Variants in CEP120 observed in about 807,000 individuals in gnomAD.
The protein encoded by CEP120 is centrosomal protein 120, also known as centrosomal protein of 120 kDa.
CEP120 carries 113 observed loss-of-function variants against 126.5 expected under a neutral mutation model. That is an observed-to-expected ratio of 0.89 (90% CI 0.77 to 1.04). CEP120 has a LOEUF of 1.04. CEP120 is among the 50% of genes least tolerant of loss of function. The pLI, the probability that CEP120 is intolerant of heterozygous loss-of-function variation, is 0.00. For missense variants in CEP120, 1,230 were observed against 1,155.7 expected (o/e 1.06, Z -0.93); for synonymous variants, 400 against 394.3 (o/e 1.01, Z -0.17).
chr5:123,390,446 C>T (rs999051806), intron 7 of CEP120: 37 of 438,802 alleles, frequency 8.4e-5, no homozygotes, highest in African/African-American at 6.9e-4. Context: ...CAAGGCAGTA[C>T]AATGGAGAAC....
rs1317665708 is a variant in CEP120, at chr5:123,371,994, G to A, written c.2481+656C>T. On this transcript the variant is annotated intron_variant, in intron 17 of 19. Coordinates refer to ENST00000306467, the MANE Select transcript of CEP120 (RefSeq NM_001375405.1). ...CACATATGGTCAAACTTGTCTATTG[G>A]ACATTACACATTTTTAATGCCTAGC... 2.0e-5 allele frequency among the ~76,000 whole-genome samples: 3 copies of A among 152,008 alleles called. No homozygotes were observed. In the East Asian group the frequency reaches 5.8e-4, roughly 29 times the overall value.
chr5:123,353,707 T>TATC (rs1365606376), intron 18 of CEP120, among the ~76,000 whole-genome samples: 1 of 151,998 alleles, frequency 6.6e-6, no homozygotes, highest in East Asian at 1.9e-4. Context: ...TTTCTTGGTG[T>TATC]ATCAGTTTTG....
At chr5:123,392,393 C>T (rs768971357) in intron 6 of CEP120, among the ~76,000 whole-genome samples, 1 of 152,202 alleles carries the variant, frequency 6.6e-6, no homozygotes, top group African/African-American at 2.4e-5. Context: ...TTCTCACCTC[C>T]TGTCCATTAC....
chr5:123,417,209 T>C (rs1025952128), intron 2 of CEP120, among the ~76,000 whole-genome samples: 4 of 152,208 alleles, frequency 2.6e-5, no homozygotes, highest in South Asian at 2.1e-4. Flanking sequence ...AAATCCAACA[T>C]TGATATTCTC....
At position 123,389,931 on chromosome 5, in the gene CEP120, ATTTGG is replaced by A; in HGVS notation, c.1243_1247del (p.Pro415SerfsTer76). 1.2e-6 allele frequency: 2 copies of A among 1,613,106 alleles called. No homozygotes were observed. The highest frequency in any genetic ancestry group is 2.2e-5 in the East Asian group (1 of 44,870). ...AACAACAAAAAACCTTACCTTTTGGATTTGGTTTGGTGTCCTTATCATACTGTAAA... is the reference window on the plus strand; with the variant it reads ...AACAACAAAAAACCTTACCTTTTGGATTTGGTGTCCTTATCATACTGTAAA... On this transcript the variant is annotated frameshift_variant, in exon 8 of 20. Transcript: ENST00000306467. LOFTEE classifies it high-confidence loss of function.
rs1770313732 is a variant in CEP120 at position 123,364,476 on chromosome 5, A to G, written c.2580+20T>C. 6.6e-7 allele frequency: 1 copy of G among 1,505,944 alleles called. No homozygotes were observed. The highest frequency in any genetic ancestry group is 9.1e-7 in the Non-Finnish European group (1 of 1,101,404). The allele number at this position is 1,505,944 out of a possible 1,614,324, so 93.3% of individuals were successfully genotyped here. The stretch of plus-strand genomic sequence containing the variant: ...AACAAGGGAAAAAGATATAAAAAGA[A>G]TAAGCTATAAACTACATACCTGTTT... On this transcript the variant is annotated intron_variant, in intron 18 of 19. Coordinates refer to ENST00000306467, the MANE Select transcript of CEP120 (RefSeq NM_001375405.1).
At chr5:123,378,605 G>T (rs1409492371) in intron 14 of CEP120, among the ~76,000 whole-genome samples, 177 bp from the exon 15 acceptor site, 1 of 152,018 alleles carries the variant, frequency 6.6e-6, no homozygotes, top group African/African-American at 2.4e-5. Context: ...TTTGAGACTG[G>T]TGATGGTCAT....
At chr5:123,386,098 A>G (rs571117025) in intron 10 of CEP120, among the ~76,000 whole-genome samples, 1 of 152,186 alleles carries the variant, frequency 6.6e-6, no homozygotes, top group Non-Finnish European at 1.5e-5. Flanking sequence ...AGATAGTCAG[A>G]TTAACATCTC....
chr5:123,382,917 A>T, intron 12 of CEP120, 28 bp from the exon 13 acceptor site: 1 of 1,611,248 alleles, frequency 6.2e-7, no homozygotes, highest in Non-Finnish European at 8.5e-7. Flanking sequence ...AAGTACATTT[A>T]AACACTCACA....
chr5:123,374,369 A>G (rs1024162152), intron 16 of CEP120, among the ~76,000 whole-genome samples: 2 of 152,156 alleles, frequency 1.3e-5, no homozygotes, highest in East Asian at 3.9e-4. Context: ...AAAGCAGTCA[A>G]TACTTCCTGA....
At chr5:123,417,291 C>T (rs1774447781) in intron 2 of CEP120, among the ~76,000 whole-genome samples, 1 of 143,448 alleles carries the variant, frequency 7.0e-6, no homozygotes. Flanking sequence ...GTTTTCCTTG[C>T]TTTCCTTTTT....
chr5:123,350,555 T>C (rs1425916370), intron 18 of CEP120, among the ~76,000 whole-genome samples: 1 of 152,168 alleles, frequency 6.6e-6, no homozygotes, highest in Non-Finnish European at 1.5e-5. Flanking sequence ...ATCAATACAA[T>C]GAACTGTCAA....
chr5:123,385,903 C>A (rs1362535856), intron 10 of CEP120, among the ~76,000 whole-genome samples: 3 of 152,092 alleles, frequency 2.0e-5, no homozygotes, highest in Admixed American at 6.6e-5. Flanking sequence ...CCATGCCAGG[C>A]CTACTATTAT....
rs185689705 is a variant in CEP120 at position 123,397,789 on chromosome 5, A to C, written c.612+1347T>G. On this transcript the variant is annotated intron_variant, in intron 5 of 19. Coordinates refer to ENST00000306467, the MANE Select transcript of CEP120 (RefSeq NM_001375405.1). Reference sequence around the variant, plus strand: ...ATTACGTGGACATTTTGTTCCTCTAAGAAAGTAAATAAGGCCGGGCATGGT... The same window carrying C: ...ATTACGTGGACATTTTGTTCCTCTACGAAAGTAAATAAGGCCGGGCATGGT... Among the ~76,000 whole-genome samples the C allele has an allele frequency of 7.2e-5, 11 of 152,262 alleles. No homozygotes were observed. In the East Asian group the frequency reaches 2.1e-3, roughly 29 times the overall value.
chr5:123,422,380 T>G, intron 1 of CEP120: 1 of 858,324 alleles, frequency 1.2e-6, no homozygotes, highest in African/African-American at 1.7e-5. Flanking sequence ...CTTTTTAGAA[T>G]CAGGACTGTT....
intron 11 of CEP120, among the ~76,000 whole-genome samples, chr5:123,384,559 A>G (rs1489093103): frequency 1.3e-5 from 2 of 152,142 alleles, no homozygotes; most frequent in East Asian, 3.8e-4. Context: ...AAATATTTTA[A>G]GTGGAAAAAC....
At chr5:123,350,323 C>T (rs1230149317) in intron 18 of CEP120, among the ~76,000 whole-genome samples, 1 of 152,174 alleles carries the variant, frequency 6.6e-6, no homozygotes, top group Non-Finnish European at 1.5e-5. Flanking sequence ...AAGCAATCCT[C>T]CTGCTTCGGC....
In CEP120 at chr5:123,411,524, C is replaced by T. The variant is rs545818287; in HGVS notation, c.463+875G>A. Among the ~76,000 whole-genome samples, 25 of 152,292 alleles carry T rather than the reference C, an allele frequency of 1.6e-4. No homozygotes were observed. In the South Asian group the frequency reaches 5.0e-3, roughly 30 times the overall value. ...TAAGCACTCAAAAGAAATGAGCTAT[C>T]AAGCCATGCAAAGACATGAAGTAAC... On this transcript the variant is annotated intron_variant, in intron 4 of 19. Coordinates refer to ENST00000306467, the MANE Select transcript of CEP120 (RefSeq NM_001375405.1).
chr5:123,393,435 T>C lies in CEP120; in HGVS notation c.675A>G (p.Leu225=). Residue 225 remains leucine (L), a synonymous_variant, in exon 6 of 20, where the codon TTA becomes TTG. Transcript: ENST00000306467. ...GTTCATTTGTAACATCATTTCCCAG[T>C]AAAGAGTAGTAAAAGAAAAACTCAG... ...RQPEFFFYYS[L]LGNDVTNEPF... 1 of 1,614,090 alleles carries C rather than the reference T, an allele frequency of 6.2e-7. No individual in the cohort carries two copies. The highest frequency in any genetic ancestry group is 1.7e-5 in the Admixed American group (1 of 60,020).
Sources: allele counts gnomAD v4.1 joint callset (sites outside exome capture counted in the v4.1 genomes callset), GRCh38; gene constraint gnomAD v4.1.1; transcripts MANE v1.5; gene names NCBI Gene and HGNC (gene_info 2026-07-23, HGNC 2026-07-21).